The following ZNF224 variants were observed in gnomAD, a reference collection of about 807,000 sequenced individuals.
ZNF224 encodes the protein bone marrow zinc finger 2.
Under a neutral mutation model 10.5 loss-of-function variants are expected in ZNF224, and 8 were observed. That is an observed-to-expected ratio of 0.76 (90% CI 0.45 to 1.37). The LOEUF is 1.37. ZNF224 is among the 40% of genes most tolerant of loss of function. The probability of loss-of-function intolerance (pLI) is 0.00; values close to 1 mark genes in which losing one functional copy is unlikely to be tolerated. For synonymous variants in ZNF224, 282 were observed against 287.8 expected, an observed-to-expected ratio of 0.98 and a Z score of 0.20; for missense variants, 754 against 854.0, an observed-to-expected ratio of 0.88 and a Z score of 1.46.
intron 5 of ZNF224, among the ~76,000 whole-genome samples, chr19:44,102,899 C>T (rs1157491184): frequency 6.6e-6 from 1 of 152,170 alleles, no homozygotes; most frequent in Non-Finnish European, 1.5e-5. Flanking sequence ...CCATCTGCAG[C>T]CCATTTGCCT....
chr19:44,099,711 A>G (rs1262945817), intron 3 of ZNF224, among the ~76,000 whole-genome samples: 1 of 151,830 alleles, frequency 6.6e-6, no homozygotes. Flanking sequence ...AAAGAAAAAA[A>G]CAATTTCTTC....
chr19:44,108,263 T>C lies in ZNF224; in HGVS notation c.2103T>C (p.Val701=). The C allele has an allele frequency of 6.2e-7, 1 of 1,610,790 alleles. No homozygotes were observed. Among genetic ancestry groups the C allele is most frequent in the Non-Finnish European group, 8.5e-7 (1 of 1,178,286 alleles). ...QASSLRLHQN[V]HVGEKP is the part of the protein sequence containing the mutation. ...CAAGCCTTCGACTTCATCAGAATGT[T>C]CATGTTGGAGAAAAACCTTAGTGAT... Residue 701 remains valine, a synonymous_variant, in exon 6 of 6, where the codon GTT becomes GTC. Coordinates refer to ENST00000693561, the MANE Select transcript of ZNF224 (RefSeq NM_001321645.3).
chr19:44,100,241 C>T (rs1165672072), intron 3 of ZNF224, among the ~76,000 whole-genome samples: 3 of 152,146 alleles, frequency 2.0e-5, no homozygotes, highest in Non-Finnish European at 4.4e-5. Flanking sequence ...CTTATATATG[C>T]GCTCTGAGGC....
Position 44,106,973 on chromosome 19 carries a change from C to T in ZNF224, c.813C>T (p.His271=), listed in dbSNP as rs769401040. The part of the protein sequence containing the change: ...NCEECGKAFI[H]DSQLQEHQRI... ...AGGAATGCGGGAAGGCCTTCATTCA[C>T]GATTCCCAGCTTCAAGAACATCAGA... is the stretch of plus-strand genomic sequence containing the variant. Residue 271 remains histidine, a synonymous_variant, in exon 6 of 6, where the codon CAC becomes CAT. Transcript: ENST00000693561. 14 of 1,610,010 alleles carry T rather than the reference C, an allele frequency of 8.7e-6. No homozygotes were observed. The highest frequency in any genetic ancestry group is 4.5e-5 in the East Asian group (2 of 44,802).
intron 1 of ZNF224, chr19:44,094,976 CCT>C (rs1967410358): frequency 6.3e-6 from 1 of 157,930 alleles, no homozygotes; most frequent in Admixed American, 6.4e-5. Context: ...ATCCCGGAAG[CCT>C]TCTGACCTCT....
In ZNF224 at chr19:44,109,363, A is replaced by G. The variant is rs556717410; in HGVS notation, c.*1079A>G. On this transcript the variant is annotated 3_prime_UTR_variant, in exon 6 of 6. Coordinates refer to ENST00000693561, the MANE Select transcript of ZNF224 (RefSeq NM_001321645.3). ...CTGGTATAAAATATTCTAAATTTGAATGACAGCTTTTGTCAACCTTCTTAT... is the reference window on the plus strand; with the variant it reads ...CTGGTATAAAATATTCTAAATTTGAGTGACAGCTTTTGTCAACCTTCTTAT... The G allele has an allele frequency of 1.3e-5, 2 of 152,060 alleles. No homozygotes were observed. Among genetic ancestry groups the G allele is most frequent in the African/African-American group, 2.4e-5 (1 of 41,464 alleles). 9.4% of individuals were successfully genotyped at this position (152,060 alleles called of 1,614,324 possible). A position where few individuals can be genotyped will look rare whatever the true frequency, so the allele number is the denominator to read the frequency against.
chr19:44,108,894 T>C lies in ZNF224; in HGVS notation c.*610T>C, dbSNP rs896888143. 1.8e-5 allele frequency: 4 copies of C among 224,470 alleles called. No homozygotes were observed. In the Admixed American group the frequency reaches 2.0e-4, roughly 11 times the overall value. 13.9% of individuals were successfully genotyped at this position (224,470 alleles called of 1,614,324 possible). A position where few individuals can be genotyped will look rare whatever the true frequency, so the allele number is the denominator to read the frequency against. ...AGAGTAAACTCAGTACTGCAATCCA[T>C]AGCAATATTTTGCATATTATTATTT... On this transcript the variant is annotated 3_prime_UTR_variant, in exon 6 of 6. Transcript: ENST00000693561.
Position 44,108,454 on chromosome 19 carries a change from GGGAAAACATTT to G in ZNF224, c.*172_*182del. 1.3e-6 allele frequency: 1 copy of G among 741,170 alleles called. No individual in the cohort carries two copies. The highest frequency in any genetic ancestry group is 1.9e-5 in the South Asian group (1 of 51,362). The allele number at this position is 741,170 out of a possible 1,614,324, so 45.9% of individuals were successfully genotyped here. A position where few individuals can be genotyped will look rare whatever the true frequency, so the allele number is the denominator to read the frequency against. ...ATAAATTTCACCCATTCTTGGAAGA[GGGAAAACATTT>G]GTTTAAGATAACATCAGTGCTTCAG... On this transcript the variant is annotated 3_prime_UTR_variant, in exon 6 of 6. Transcript: ENST00000693561.
Position 44,108,834 on chromosome 19 carries a change from CA to C in ZNF224, c.*556del. ...TTGTGTATCCAAAAAGGGAAGCCTGCAAAAAATAATTCTGGGAAACATGAGT... is the reference window on the plus strand; with the variant it reads ...TTGTGTATCCAAAAAGGGAAGCCTGCAAAAATAATTCTGGGAAACATGAGT... On this transcript the variant is annotated 3_prime_UTR_variant, in exon 6 of 6. Coordinates refer to ENST00000693561, the MANE Select transcript of ZNF224 (RefSeq NM_001321645.3). The C allele has an allele frequency of 2.5e-6, 1 of 404,424 alleles. No homozygotes were observed. The allele number at this position is 404,424 out of a possible 1,614,324, so 25.1% of individuals were successfully genotyped here.
At chr19:44,100,764 G>T in intron 3 of ZNF224, 37 bp from the exon 4 acceptor site, 1 of 1,604,450 alleles carries the variant, frequency 6.2e-7, no homozygotes, top group Middle Eastern at 1.7e-4. Context: ...GGAATCATTG[G>T]TCATGAGACT....
At position 44,106,852 on chromosome 19, in the gene ZNF224, C is replaced by CTCTCT; in HGVS notation, c.692_693insTCTCT (p.Phe232LeufsTer107). 6.2e-7 allele frequency: 1 copy of CTCTCT among 1,612,884 alleles called. No individual in the cohort carries two copies. Among genetic ancestry groups the CTCTCT allele is most frequent in the Non-Finnish European group, 8.5e-7 (1 of 1,179,270 alleles). ...CAGAGAGTCCACACTGGAGAGAAAC[C>CTCTCT]GTTCAAATGTGTGGAATGTGGGAAA... is the stretch of plus-strand genomic sequence containing the variant. On this transcript the variant is annotated frameshift_variant, in exon 6 of 6. Coordinates refer to ENST00000693561, the MANE Select transcript of ZNF224 (RefSeq NM_001321645.3). LOFTEE classifies it low-confidence loss of function (END_TRUNC).
At chr19:44,099,497 G>A (rs543866856) in intron 3 of ZNF224, among the ~76,000 whole-genome samples, 1 of 152,104 alleles carries the variant, frequency 6.6e-6, no homozygotes, top group South Asian at 2.1e-4. Context: ...GAGAAAAACA[G>A]ATGTCAATAA....
chr19:44,105,308 A>G (rs948645404), intron 5 of ZNF224: 1 of 152,236 alleles, frequency 6.6e-6, no homozygotes, highest in Non-Finnish European at 1.5e-5. Context: ...GTAAGGATAC[A>G]CAATATAAAC....
At chr19:44,101,054 A>G in intron 4 of ZNF224, 79 bp from the exon 5 acceptor site, 2 of 1,610,594 alleles carry the variant, frequency 1.2e-6, no homozygotes, top group South Asian at 2.2e-5. Flanking sequence ...TGCAGTAAGA[A>G]CCTAAATTTC....
chr19:44,106,119 A>C (rs7249978), intron 5 of ZNF224: 333,416 of 396,370 alleles, frequency 0.84, 141,236 homozygotes, highest in Non-Finnish European at 0.87. Context: ...ACTAATTTAC[A>C]TTCACACCAG....
In ZNF224 at chr19:44,107,456, G is replaced by A. The variant is rs1013248543; in HGVS notation, c.1296G>A (p.Glu432=). Residue 432 remains glutamate (E), a synonymous_variant, in exon 6 of 6, where the codon GAG becomes GAA. Coordinates refer to ENST00000693561, the MANE Select transcript of ZNF224 (RefSeq NM_001321645.3). ...GAGAAAAACCATACAAATGTGTGGAGTGTGGGAAGGGCTACAAAAGGAGGT... is the reference window on the plus strand; with the variant it reads ...GAGAAAAACCATACAAATGTGTGGAATGTGGGAAGGGCTACAAAAGGAGGT... ...HSGEKPYKCV[E]CGKGYKRRLD... The A allele has an allele frequency of 2.5e-6, 4 of 1,607,618 alleles. No homozygotes were observed. The highest frequency in any genetic ancestry group is 2.5e-6 in the Non-Finnish European group (3 of 1,177,280).
In ZNF224 at chr19:44,107,938, A is replaced by G; in HGVS notation, c.1778A>G (p.Glu593Gly). The stretch of plus-strand genomic sequence containing the variant: ...TCTCATCAAAGAGTGCACACTGGAG[A>G]AAAGCCATACAAATGTGATGAGTGT... ...LHSHQRVHTGEKPYKCDECGK... is the reference protein window; with the variant it reads ...LHSHQRVHTGGKPYKCDECGK... Residue 593 changes from glutamate to glycine, a missense_variant, in exon 6 of 6, where the codon GAA becomes GGA. By Grantham distance (98) the Glu-to-Gly change is moderately conservative. Coordinates refer to ENST00000693561, the MANE Select transcript of ZNF224 (RefSeq NM_001321645.3). The G allele has an allele frequency of 6.2e-7, 1 of 1,614,248 alleles. No individual in the cohort carries two copies.
In ZNF224 at chr19:44,107,746, T is replaced by C. The variant is rs755185292; in HGVS notation, c.1586T>C (p.Met529Thr). ...KGYNSKFNLD[M>T]HQKVHTGERP... ...TACAATAGTAAGTTTAATCTTGATA[T>C]GCACCAGAAGGTCCACACAGGAGAG... Residue 529 changes from methionine to threonine, a missense_variant, in exon 6 of 6, where the codon ATG (methionine) becomes ACG (threonine). Met to Thr is a moderately conservative substitution (Grantham distance 81). Coordinates refer to ENST00000693561, the MANE Select transcript of ZNF224 (RefSeq NM_001321645.3). The C allele has an allele frequency of 1.2e-6, 2 of 1,612,930 alleles. No individual in the cohort carries two copies. Among genetic ancestry groups the C allele is most frequent in the South Asian group, 1.1e-5 (1 of 91,030 alleles).
chr19:44,097,743 G>T, intron 2 of ZNF224, 63 bp from the exon 3 acceptor site: 2 of 917,680 alleles, frequency 2.2e-6, no homozygotes, highest in South Asian at 1.5e-5. Flanking sequence ...CATCCCTGTT[G>T]GTGGGTGGCA....
Sources: gnomAD v4.1 joint callset for allele counts (sites outside exome capture counted in the v4.1 genomes callset) on GRCh38, gnomAD v4.1.1 for gene constraint, MANE v1.5 for transcripts, NCBI Gene and HGNC (gene_info 2026-07-23, HGNC 2026-07-21) for gene names.